The following PAN3 variants were observed in gnomAD, a reference collection of about 807,000 sequenced individuals.
The protein encoded by PAN3 is PAN2-PAN3 deadenylation complex subunit PAN3.
A neutral mutation model predicts 96.2 loss-of-function variants in PAN3; 19 were observed. The ratio of observed to expected loss-of-function variants is 0.20; its 90% CI spans 0.14 to 0.29. The LOEUF (loss-of-function observed/expected upper bound fraction) is 0.29, where lower values mean the gene tolerates loss of function less well. PAN3 is among the 10% of genes least tolerant of loss of function. The pLI, the probability that PAN3 is intolerant of heterozygous loss-of-function variation, is 1.00. For synonymous variants in PAN3, 433 were observed against 406.6 expected (o/e 1.06, Z -0.78); for missense variants, 882 against 1,108.1 (o/e 0.80, Z 2.90).
intron 6 of PAN3, among the ~76,000 whole-genome samples, chr13:28,248,728 G>GT (rs1381486464): frequency 2.6e-5 from 4 of 152,116 alleles, no homozygotes; most frequent in African/African-American, 7.2e-5. Flanking sequence ...TCACCATGTT[G>GT]TTTAGGCTGG....
chr13:28,168,773 C>T (rs112842949), intron 1 of PAN3, among the ~76,000 whole-genome samples: 9,733 of 151,838 alleles, frequency 0.064, 1,042 homozygotes, highest in African/African-American at 0.22. Flanking sequence ...AATCCCACCA[C>T]TTTGGGAGGC....
At chr13:28,287,960 A>G in intron 17 of PAN3, 24 bp from the exon 18 acceptor site, 1 of 1,596,770 alleles carries the variant, frequency 6.3e-7, no homozygotes, top group African/African-American at 1.4e-5. Context: ...TGAGTTACTG[A>G]GGTAAAATGT....
At chr13:28,170,173 A>T (rs898197560) in intron 1 of PAN3, among the ~76,000 whole-genome samples, 1 of 152,224 alleles carries the variant, frequency 6.6e-6, no homozygotes, top group Non-Finnish European at 1.5e-5. Context: ...GCTAGGGAGC[A>T]TAAGTCGTCT....
At chr13:28,235,502 G>A (rs1882995655) in intron 6 of PAN3, among the ~76,000 whole-genome samples, 1 of 151,908 alleles carries the variant, frequency 6.6e-6, no homozygotes, top group African/African-American at 2.4e-5. Context: ...TGGGCCTTAT[G>A]TTGCCTGGAA....
At chr13:28,271,129 A>G (rs7338285) in intron 13 of PAN3, among the ~76,000 whole-genome samples, 14,226 of 152,214 alleles carry the variant, frequency 0.093, 835 homozygotes, top group African/African-American at 0.17. Context: ...AATAATATCA[A>G]TACAACTTTT....
chr13:28,233,323 G>A (rs1242523985), intron 6 of PAN3, among the ~76,000 whole-genome samples: 1 of 150,406 alleles, frequency 6.6e-6, no homozygotes, highest in Non-Finnish European at 1.5e-5. Flanking sequence ...CTGGAGTGCA[G>A]TGGCATGATC....
intron 5 of PAN3, among the ~76,000 whole-genome samples, chr13:28,210,026 C>T (rs1879847710): frequency 6.6e-6 from 1 of 152,086 alleles, no homozygotes; most frequent in Non-Finnish European, 1.5e-5. Flanking sequence ...TCAAGTGATC[C>T]TCCACCCTTG....
At chr13:28,228,416 A>G (rs1190407132) in intron 6 of PAN3, among the ~76,000 whole-genome samples, 5 of 152,124 alleles carry the variant, frequency 3.3e-5, no homozygotes, top group Admixed American at 3.3e-4. Context: ...TGTAAATCCT[A>G]CTCATAAATG....
intron 9 of PAN3, among the ~76,000 whole-genome samples, chr13:28,265,176 A>G (rs1253570582): frequency 1.3e-5 from 2 of 152,250 alleles, no homozygotes; most frequent in Non-Finnish European, 2.9e-5. Flanking sequence ...GTAAATGCGC[A>G]AAAGTAAAAG....
At chr13:28,154,787 C>G (rs1199282740) in intron 1 of PAN3, among the ~76,000 whole-genome samples, 1 of 151,316 alleles carries the variant, frequency 6.6e-6, no homozygotes, top group Non-Finnish European at 1.5e-5. Flanking sequence ...TGAGCCACCA[C>G]ACTCGGCCTG....
At chr13:28,244,098 A>T (rs1398018844) in intron 6 of PAN3, among the ~76,000 whole-genome samples, 2 of 152,128 alleles carry the variant, frequency 1.3e-5, no homozygotes, top group African/African-American at 4.8e-5. Context: ...CAAACTGGCT[A>T]GTTGTATAAT....
intron 7 of PAN3, among the ~76,000 whole-genome samples, chr13:28,258,976 G>T (rs1020415643): frequency 5.3e-5 from 8 of 151,958 alleles, no homozygotes; most frequent in Admixed American, 2.0e-4. Context: ...TTTTTCCCCT[G>T]AATATTTCCT....
At chr13:28,225,153 G>A (rs555140729) in intron 6 of PAN3, among the ~76,000 whole-genome samples, 1 of 152,204 alleles carries the variant, frequency 6.6e-6, no homozygotes, top group South Asian at 2.1e-4. Context: ...AAATTGGTGG[G>A]TAAAATTGGC....
intron 1 of PAN3, among the ~76,000 whole-genome samples, chr13:28,140,105 G>T (rs1246201806): frequency 6.6e-6 from 1 of 152,054 alleles, no homozygotes; most frequent in African/African-American, 2.4e-5. Flanking sequence ...GCGCCACCAC[G>T]GCCAGATAAT....
At chr13:28,268,248 T>TA (rs1886349041) in intron 12 of PAN3, among the ~76,000 whole-genome samples, 1 of 152,130 alleles carries the variant, frequency 6.6e-6, no homozygotes, top group African/African-American at 2.4e-5. Context: ...TATATCATAT[T>TA]ACATCTTTTC....
At chr13:28,286,736 T>A (rs1593640417) in intron 17 of PAN3, among the ~76,000 whole-genome samples, 1 of 152,204 alleles carries the variant, frequency 6.6e-6, no homozygotes, top group African/African-American at 2.4e-5. Context: ...TACTGTCAAT[T>A]TGATGGGCTG....
chr13:28,222,922 ATCATTT>A lies in PAN3; in HGVS notation c.1000+2550_1000+2555del, dbSNP rs569274331. ...TGACACTTATGTAAACTAGGGTAAC[ATCATTT>A]TCATTACGTATGGGAAAGTACATAT... On this transcript the variant is annotated intron_variant, in intron 6 of 18. Transcript: ENST00000380958. Among the ~76,000 whole-genome samples, 17 of 152,330 alleles carry A rather than the reference ATCATTT, an allele frequency of 1.1e-4. No homozygotes were observed. In the East Asian group the frequency reaches 3.1e-3, roughly 28 times the overall value.
chr13:28,293,387 G>GTTTTTTTTTTTTTTTTTTTTT lies in PAN3; in HGVS notation c.*874_*894dup, dbSNP rs71086844. On this transcript the variant is annotated 3_prime_UTR_variant, in exon 19 of 19. Transcript: ENST00000380958. Reference sequence around the variant, plus strand: ...ACTTTAGGTTCTTTCCAGTTTGCTGGTTTTTTTTTTTTTTTTTTTTTTTTT... The same window carrying GTTTTTTTTTTTTTTTTTTTTT: ...ACTTTAGGTTCTTTCCAGTTTGCTGGTTTTTTTTTTTTTTTTTTTTTTTTTTTTTTTTTTTTTTTTTTTTTT... The GTTTTTTTTTTTTTTTTTTTTT allele has an allele frequency of 9.4e-5, 2 of 21,356 alleles. 1 individual carries two copies. The highest frequency in any genetic ancestry group is 4.0e-4 in the African/African-American group (2 of 4,970). 1.3% of individuals were successfully genotyped at this position (21,356 alleles called of 1,614,324 possible).
rs980352264 is a variant in PAN3, at chr13:28,261,315, T to C, written c.1354-86T>C. 1.6e-5 allele frequency: 15 copies of C among 914,692 alleles called. No homozygotes were observed. In the African/African-American group the frequency reaches 2.6e-4, roughly 16 times the overall value. The allele number at this position is 914,692 out of a possible 1,614,324, so 56.7% of individuals were successfully genotyped here. A position where few individuals can be genotyped will look rare whatever the true frequency, so the allele number is the denominator to read the frequency against. On this transcript the variant is annotated intron_variant, in intron 8 of 18. Coordinates refer to ENST00000380958, the MANE Select transcript of PAN3 (RefSeq NM_175854.8). ...TTAAAAAGTGCATATGCCAAAAATA[T>C]TAATACTTAGGTTATTTAATTATAA...
Sources: allele counts gnomAD v4.1 joint callset (sites outside exome capture counted in the v4.1 genomes callset), GRCh38; gene constraint gnomAD v4.1.1; transcripts MANE v1.5; gene names NCBI Gene and HGNC (gene_info 2026-07-23, HGNC 2026-07-21).